The following CFAP263 variants were observed in gnomAD, a reference collection of about 807,000 sequenced individuals.
CFAP263 encodes the protein cilia and flagella associated protein 263.
At chr16:58,273,789 T>C in the CFAP263 span, among the ~76,000 whole-genome samples, 1 of 152,204 alleles carries the variant, frequency 6.6e-6, no homozygotes, top group Non-Finnish European at 1.5e-5. Flanking sequence ...GAATTCTTGA[T>C]ATTGGTCCCT....
At chr16:58,271,639 C>T in the CFAP263 span, among the ~76,000 whole-genome samples, 2 of 152,150 alleles carry the variant, frequency 1.3e-5, no homozygotes, top group Non-Finnish European at 2.9e-5. Flanking sequence ...GTAGAATGTT[C>T]CTCCACTGGA....
At chr16:58,278,397 T>A in the CFAP263 span, 2 of 1,239,834 alleles carry the variant, frequency 1.6e-6, no homozygotes, top group Non-Finnish European at 2.3e-6. Context: ...CTATTGGAAC[T>A]ATGGGGAGAG....
chr16:58,260,764 G>C, the CFAP263 span, among the ~76,000 whole-genome samples: 1 of 152,196 alleles, frequency 6.6e-6, no homozygotes. Context: ...CTGGGCAGGA[G>C]AATTAACATG....
the CFAP263 span, chr16:58,250,356 G>A: frequency 6.8e-6 from 3 of 440,060 alleles, no homozygotes; most frequent in Non-Finnish European, 1.2e-5. Flanking sequence ...AATTGGGGAA[G>A]TGAGGGTTTC....
the CFAP263 span, chr16:58,250,379 C>T: frequency 2.5e-6 from 1 of 398,074 alleles, no homozygotes; most frequent in Non-Finnish European, 4.5e-6. Context: ...CCGGAGGAGT[C>T]TCTCTCATGC....
the CFAP263 span, among the ~76,000 whole-genome samples, chr16:58,270,103 G>A: frequency 6.6e-6 from 1 of 152,254 alleles, no homozygotes; most frequent in Middle Eastern, 3.4e-3. Flanking sequence ...CTTTTCATGT[G>A]CTTATTGGCC....
chr16:58,263,323 A>G, the CFAP263 span, among the ~76,000 whole-genome samples: 1 of 152,178 alleles, frequency 6.6e-6, no homozygotes, highest in Non-Finnish European at 1.5e-5. Context: ...TTCCCCCAGA[A>G]ATTCCATTTC....
the CFAP263 span, among the ~76,000 whole-genome samples, chr16:58,264,469 C>A: frequency 6.6e-6 from 1 of 152,180 alleles, no homozygotes; most frequent in Admixed American, 6.5e-5. Context: ...AGAGTGAGAG[C>A]CATTCCTGGG....
the CFAP263 span, among the ~76,000 whole-genome samples, chr16:58,278,105 T>C: frequency 6.6e-6 from 1 of 152,062 alleles, no homozygotes; most frequent in African/African-American, 2.4e-5. Context: ...ATCTTATAAT[T>C]AAAAAAGACA....
chr16:58,257,688 TAA>T, the CFAP263 span, among the ~76,000 whole-genome samples: 2 of 151,214 alleles, frequency 1.3e-5, no homozygotes, highest in East Asian at 1.9e-4. Context: ...AGAAATATAA[TAA>T]GAGTGCCTAT....
the CFAP263 span, among the ~76,000 whole-genome samples, chr16:58,257,504 G>A: frequency 1.3e-5 from 2 of 151,960 alleles, no homozygotes; most frequent in African/African-American, 2.4e-5. Flanking sequence ...CGCAATCATA[G>A]CACACTACAG....
the CFAP263 span, chr16:58,262,652 C>A: frequency 9.4e-6 from 9 of 956,060 alleles, no homozygotes; most frequent in Non-Finnish European, 1.4e-5. Context: ...GGTGCCCCCT[C>A]GCTGTCAAGC....
the CFAP263 span, among the ~76,000 whole-genome samples, chr16:58,257,334 T>C: frequency 6.6e-6 from 1 of 152,188 alleles, no homozygotes; most frequent in African/African-American, 2.4e-5. Context: ...ATGAATTTCT[T>C]CCAAAAATAG....
chr16:58,279,571 C>A, the CFAP263 span: 6 of 779,198 alleles, frequency 7.7e-6, no homozygotes, highest in South Asian at 1.1e-4. Context: ...GGGTTGCCTG[C>A]ACCATCACGG....
At chr16:58,272,350 T>C in the CFAP263 span, among the ~76,000 whole-genome samples, 52 of 152,198 alleles carry the variant, frequency 3.4e-4, no homozygotes, top group Non-Finnish European at 8.8e-5. Context: ...TATAATATCA[T>C]AAGCCATGCA....
the CFAP263 span, chr16:58,262,385 A>G: frequency 3.7e-6 from 6 of 1,604,390 alleles, no homozygotes; most frequent in Non-Finnish European, 4.3e-6. Flanking sequence ...TGAGCTGTAG[A>G]AGGAAGAGGT....
chr16:58,277,186 C>T, the CFAP263 span, among the ~76,000 whole-genome samples: 56 of 151,728 alleles, frequency 3.7e-4, no homozygotes, highest in Admixed American at 3.6e-3. Context: ...TGGAGTGCAG[C>T]GTCGTGATCT....
the CFAP263 span, among the ~76,000 whole-genome samples, chr16:58,256,433 G>A: frequency 6.6e-6 from 1 of 152,316 alleles, no homozygotes; most frequent in Admixed American, 6.5e-5. Flanking sequence ...TTAAAGCACA[G>A]GGAAAGAAGG....
At chr16:58,258,545 A>G in the CFAP263 span, 2 of 1,609,654 alleles carry the variant, frequency 1.2e-6, no homozygotes, top group Non-Finnish European at 1.7e-6. Flanking sequence ...GACAGAGCTT[A>G]GAAAGGGAAA....
Sources: gnomAD v4.1 joint callset for allele counts (sites outside exome capture counted in the v4.1 genomes callset) on GRCh38, gnomAD v4.1.1 for gene constraint, MANE v1.5 for transcripts, NCBI Gene and HGNC (gene_info 2026-07-23, HGNC 2026-07-21) for gene names.